Variants in DOCK6 observed in about 807,000 individuals in gnomAD.
The protein encoded by DOCK6 is dedicator of cytokinesis protein 6.
Under a neutral mutation model 230.3 loss-of-function variants are expected in DOCK6, and 167 were observed. The ratio of observed to expected loss-of-function variants is 0.73; its 90% CI spans 0.64 to 0.82. The LOEUF (loss-of-function observed/expected upper bound fraction) is 0.82, where lower values mean the gene tolerates loss of function less well. Ranked by LOEUF, DOCK6 falls within the 40% of genes least tolerant of loss-of-function variation. The pLI is 0.00. For missense variants in DOCK6, 2,598 were observed against 2,825.8 expected, an observed-to-expected ratio of 0.92 and a Z score of 1.83; for synonymous variants, 1,148 against 1,185.0, an observed-to-expected ratio of 0.97 and a Z score of 0.64.
chr19:11,227,609 G>T (rs2079690052), intron 23 of DOCK6, 132 bp from the exon 24 acceptor site: 1 of 1,155,160 alleles, frequency 8.7e-7, no homozygotes, highest in Non-Finnish European at 1.2e-6. Flanking sequence ...AGGGCTGTGG[G>T]TGGAGGAGGC....
At chr19:11,213,982 C>T (rs2079436635) in intron 34 of DOCK6, among the ~76,000 whole-genome samples, 1 of 151,434 alleles carries the variant, frequency 6.6e-6, no homozygotes, top group South Asian at 2.1e-4. Flanking sequence ...GGGGTCTCAC[C>T]GTGTTGCCCA....
intron 1 of DOCK6, among the ~76,000 whole-genome samples, chr19:11,260,345 C>T (rs1312973584): frequency 3.3e-5 from 5 of 151,808 alleles, no homozygotes; most frequent in Admixed American, 6.6e-5. Context: ...TTTGGGAGGC[C>T]GAGGCAGGAG....
At chr19:11,259,096 G>A (rs1295248934) in intron 1 of DOCK6, among the ~76,000 whole-genome samples, 1 of 152,070 alleles carries the variant, frequency 6.6e-6, no homozygotes, top group Non-Finnish European at 1.5e-5. Context: ...CTGTCACTCA[G>A]GCTGGAGTGC....
intron 18 of DOCK6, 104 bp downstream of exon 18, chr19:11,237,352 G>A (rs1599258110): frequency 2.3e-6 from 3 of 1,298,010 alleles, no homozygotes; most frequent in African/African-American, 1.5e-5. Flanking sequence ...GGAGGCACCA[G>A]TAGAGGATAA....
intron 14 of DOCK6, among the ~76,000 whole-genome samples, chr19:11,239,148 C>T (rs1159161624): frequency 1.3e-5 from 2 of 152,162 alleles, no homozygotes; most frequent in East Asian, 3.9e-4. Context: ...GGAGATCAGG[C>T]TGTGTGACCT....
chr19:11,214,143 T>A, intron 34 of DOCK6, 132 bp downstream of exon 34: 1 of 1,337,048 alleles, frequency 7.5e-7, no homozygotes, highest in South Asian at 1.5e-5. Flanking sequence ...CAGGTTGGTC[T>A]CAAACTCCTG....
At chr19:11,260,093 A>C (rs566515951) in intron 1 of DOCK6, among the ~76,000 whole-genome samples, 40 of 152,068 alleles carry the variant, frequency 2.6e-4, no homozygotes, top group African/African-American at 9.4e-4. Context: ...TGAATATAGG[A>C]CCAGCTCTGA....
At chr19:11,210,577 C>CTCACCTGTCCATCCCT (rs959206084) in intron 37 of DOCK6, among the ~76,000 whole-genome samples, 1 of 147,944 alleles carries the variant, frequency 6.8e-6, no homozygotes, top group Admixed American at 6.7e-5. Flanking sequence ...TGTGCATCCC[C>CTCACCTGTCCATCCCT]TCACCTGTCC....
chr19:11,240,402 G>A, intron 14 of DOCK6: 1 of 1,196,768 alleles, frequency 8.4e-7, no homozygotes, highest in Non-Finnish European at 1.1e-6. Context: ...TCCCAGCTCT[G>A]TGGCCTCTAC....
chr19:11,254,898 G>A (rs1042367065), intron 1 of DOCK6, among the ~76,000 whole-genome samples: 5 of 152,286 alleles, frequency 3.3e-5, no homozygotes, highest in Middle Eastern at 3.4e-3. Flanking sequence ...ACCTGAGTTC[G>A]GGCTCCGTGC....
Position 11,200,169 on chromosome 19 carries a change from AAC to A in DOCK6, c.6101+137_6101+138del. On this transcript the variant is annotated intron_variant, in intron 47 of 47. Coordinates refer to ENST00000294618, the MANE Select transcript of DOCK6 (RefSeq NM_020812.4). This position sits in a 1 kb window ranked among gnomAD's most constrained non-coding sequence, Gnocchi z 4.3. ...CTCTCAAAAAAAAAAACAAAAAAAAAACCGGAAACAAAACAAAGTCCAAGCTA... is the reference window on the plus strand; with the variant it reads ...CTCTCAAAAAAAAAAACAAAAAAAAACGGAAACAAAACAAAGTCCAAGCTA... The A allele has an allele frequency of 1.1e-6, 1 of 939,250 alleles. No individual in the cohort carries two copies. Among genetic ancestry groups the A allele is most frequent in the Non-Finnish European group, 1.5e-6 (1 of 657,410 alleles). The allele number at this position is 939,250 out of a possible 1,614,324, so 58.2% of individuals were successfully genotyped here.
chr19:11,252,019 T>G, intron 5 of DOCK6, 100 bp downstream of exon 5: 2 of 1,529,438 alleles, frequency 1.3e-6, no homozygotes, highest in Non-Finnish European at 1.8e-6. Context: ...CCTTTTGAGC[T>G]CAAGGCTGTT....
In DOCK6 at chr19:11,200,042, C is replaced by A. The variant is rs1307331372; in HGVS notation, c.6101+266G>T. 6.6e-6 allele frequency among the ~76,000 whole-genome samples: 1 copy of A among 151,190 alleles called. No individual in the cohort carries two copies. ...GCAGATGCCTGTAATCCCAGTTACT[C>A]AGGAGGCTGAGGCAGGAGACTCGCT... On this transcript the variant is annotated intron_variant, in intron 47 of 47. Coordinates refer to ENST00000294618, the MANE Select transcript of DOCK6 (RefSeq NM_020812.4). The surrounding 1 kb of genome is among the most constrained non-coding windows in gnomAD (Gnocchi z 4.3).
At chr19:11,209,688 T>C (rs1309313345) in intron 37 of DOCK6, among the ~76,000 whole-genome samples, 14 of 20,582 alleles carry the variant, frequency 6.8e-4, no homozygotes, top group South Asian at 1.9e-3. Flanking sequence ...ATCCCTTCAC[T>C]TGTCTATCCC....
At chr19:11,215,981 C>T (rs919168686) in intron 30 of DOCK6, 54 bp from the exon 31 acceptor site, 3 of 1,605,468 alleles carry the variant, frequency 1.9e-6, no homozygotes, top group Admixed American at 3.4e-5. Context: ...TTCGGGGGGA[C>T]CTGGGCTGGC....
rs777540404 is a variant in DOCK6 at position 11,200,487 on chromosome 19, G to A, written c.5940-18C>T. 39 of 1,606,350 alleles carry A rather than the reference G, an allele frequency of 2.4e-5. No individual in the cohort carries two copies. The highest frequency in any genetic ancestry group is 3.3e-5 in the Non-Finnish European group (39 of 1,176,658). ...CCTCACATCTGAGGGCCAGAGGGTGGGAGATGCTCAGAGACTCGCACACGG... is the reference window on the plus strand; with the variant it reads ...CCTCACATCTGAGGGCCAGAGGGTGAGAGATGCTCAGAGACTCGCACACGG... On this transcript the variant is annotated intron_variant, in intron 46 of 47. Transcript: ENST00000294618. The surrounding 1 kb of genome is among the most constrained non-coding windows in gnomAD (Gnocchi z 4.3).
intron 9 of DOCK6, among the ~76,000 whole-genome samples, chr19:11,244,344 G>A (rs1229829111): frequency 3.3e-5 from 5 of 150,196 alleles, no homozygotes; most frequent in East Asian, 2.0e-4. Context: ...GCTGAAGTGC[G>A]TGATGGGATC....
intron 32 of DOCK6, 131 bp from the exon 33 acceptor site, chr19:11,214,780 T>A: frequency 1.2e-6 from 1 of 811,212 alleles, no homozygotes; most frequent in Non-Finnish European, 1.9e-6. Context: ...TGTTTTTGTT[T>A]TTTTTGTTTT....
At chr19:11,208,512 C>T (rs529121731) in intron 39 of DOCK6, 174 bp downstream of exon 39, 8 of 874,072 alleles carry the variant, frequency 9.2e-6, no homozygotes, top group East Asian at 8.2e-5. Context: ...AACTCCTGGC[C>T]TCATGACCTG....
Sources: allele counts gnomAD v4.1 joint callset (sites outside exome capture counted in the v4.1 genomes callset), GRCh38; gene constraint gnomAD v4.1.1; non-coding constraint Gnocchi (gnomAD v3.1); transcripts MANE v1.5; gene names NCBI Gene and HGNC (gene_info 2026-07-23, HGNC 2026-07-21).